CCSER1: variants seen among roughly 807,000 people sequenced by gnomAD.
CCSER1 encodes the protein serine-rich coiled-coil domain-containing protein 1.
A neutral mutation model predicts 82.0 loss-of-function variants in CCSER1; 41 were observed. That is an observed-to-expected ratio of 0.50 (90% CI 0.39 to 0.65). The LOEUF (loss-of-function observed/expected upper bound fraction) is 0.65. Among genes scored for constraint, CCSER1 ranks in the 30% least tolerant of loss-of-function variants. CCSER1 has a pLI of 0.00. For missense variants in CCSER1, 1,119 were observed against 1,064.2 expected (o/e 1.05, Z -0.72); for synonymous variants, 414 against 383.9 (o/e 1.08, Z -0.92).
At chr4:91,341,991 A>G (rs1169807359) in intron 10 of CCSER1, among the ~76,000 whole-genome samples, 1 of 152,236 alleles carries the variant, frequency 6.6e-6, no homozygotes, top group Non-Finnish European at 1.5e-5. Context: ...AGGAAAGGGC[A>G]CAGAGTAAGA....
intron 10 of CCSER1, among the ~76,000 whole-genome samples, chr4:91,137,420 A>G (rs1425306287): frequency 1.5e-5 from 1 of 65,608 alleles, no homozygotes; most frequent in African/African-American, 5.0e-5. Flanking sequence ...ATTGTTGGAC[A>G]TTTGGGTTGG....
chr4:91,256,173 G>A (rs571961368), intron 10 of CCSER1, among the ~76,000 whole-genome samples: 1 of 152,274 alleles, frequency 6.6e-6, no homozygotes, highest in East Asian at 1.9e-4. Context: ...CGCTCTTGGA[G>A]TGTCTGCCTT....
At position 90,308,334 on chromosome 4, in the gene CCSER1, T is replaced by C; in HGVS notation, c.50T>C (p.Ile17Thr). 2.5e-6 allele frequency: 4 copies of C among 1,609,902 alleles called. No homozygotes were observed. Among genetic ancestry groups the C allele is most frequent in the Non-Finnish European group, 3.4e-6 (4 of 1,177,896 alleles). ...RRSTLVSRLP[I>T]FRRSINRRHD... The stretch of plus-strand genomic sequence containing the variant: ...TCTACCCTGGTCTCCCGGTTGCCAA[T>C]ATTCAGAAGAAGTATTAACAGAAGA... The change falls in exon 2 of 11, where the codon ATA becomes ACA. Residue 17 changes from isoleucine to threonine, a missense_variant. By Grantham distance (89) the Ile-to-Thr change is moderately conservative. Transcript: ENST00000509176.
intron 5 of CCSER1, among the ~76,000 whole-genome samples, chr4:90,621,115 G>A (rs1048637698): frequency 3.3e-5 from 5 of 152,104 alleles, no homozygotes; most frequent in East Asian, 1.9e-4. Flanking sequence ...CACCCTGCCC[G>A]GCCACCAGTG....
intron 4 of CCSER1, among the ~76,000 whole-genome samples, chr4:90,440,691 A>G (rs1218990249): frequency 1.3e-5 from 2 of 152,160 alleles, no homozygotes; most frequent in Non-Finnish European, 2.9e-5. Flanking sequence ...TTTGTGCATG[A>G]GAACTCTTCC....
chr4:90,397,302 G>T (rs1752098183), intron 3 of CCSER1, among the ~76,000 whole-genome samples: 1 of 152,146 alleles, frequency 6.6e-6, no homozygotes, highest in Admixed American at 6.5e-5. Flanking sequence ...AATTTAGTTT[G>T]TTCACTTTAT....
intron 10 of CCSER1, among the ~76,000 whole-genome samples, chr4:91,220,118 C>G (rs1737617255): frequency 1.3e-5 from 2 of 152,144 alleles, no homozygotes; most frequent in Admixed American, 1.3e-4. Context: ...AACTGTTGAA[C>G]TATACTGGGC....
intron 4 of CCSER1, among the ~76,000 whole-genome samples, chr4:90,433,410 C>T (rs1758572271): frequency 6.6e-6 from 1 of 152,064 alleles, no homozygotes; most frequent in African/African-American, 2.4e-5. Flanking sequence ...TTATTAATTT[C>T]TTAGACCTAT....
intron 10 of CCSER1, among the ~76,000 whole-genome samples, chr4:91,296,996 A>G (rs1418862216): frequency 3.3e-5 from 5 of 151,824 alleles, no homozygotes; most frequent in Non-Finnish European, 5.9e-5. Context: ...ACAGGACAAG[A>G]TATTGCCAGC....
intron 10 of CCSER1, among the ~76,000 whole-genome samples, chr4:91,210,590 T>C (rs1042960423): frequency 6.6e-6 from 1 of 151,248 alleles, no homozygotes; most frequent in Non-Finnish European, 1.5e-5. Flanking sequence ...ATGAATACAA[T>C]AAAACATAAT....
intron 4 of CCSER1, among the ~76,000 whole-genome samples, chr4:90,413,927 T>TGC (rs1299202957): frequency 9.5e-6 from 1 of 104,862 alleles, no homozygotes; most frequent in Non-Finnish European, 1.7e-5. Flanking sequence ...CCAGCCTGGG[T>TGC]GACAGAGCGA....
In CCSER1 at chr4:90,134,031, A is replaced by G. The variant is rs530574875; in HGVS notation, c.-42+6200A>G. Among the ~76,000 whole-genome samples the G allele has an allele frequency of 7.7e-4, 109 of 142,114 alleles. 1 individual carries two copies. Among genetic ancestry groups the G allele is most frequent in the South Asian group, 4.9e-3 (21 of 4,302 alleles). The allele number at this position is 142,114 out of a possible 152,430, so 93.2% of individuals were successfully genotyped here. A position where few individuals can be genotyped will look rare whatever the true frequency, so the allele number is the denominator to read the frequency against. On this transcript the variant is annotated intron_variant, in intron 1 of 10. Transcript: ENST00000509176. Reference sequence around the variant, plus strand: ...TTTCCTGTTTTGCAAATTATGAAATATTATTTTATTAACAACAATAGCAAT... The same window carrying G: ...TTTCCTGTTTTGCAAATTATGAAATGTTATTTTATTAACAACAATAGCAAT...
At chr4:91,373,331 G>A (rs1044692278) in intron 10 of CCSER1, among the ~76,000 whole-genome samples, 5 of 151,948 alleles carry the variant, frequency 3.3e-5, no homozygotes, top group South Asian at 4.2e-4. Context: ...TATCAACCCC[G>A]CCTCGAGCAA....
intron 1 of CCSER1, among the ~76,000 whole-genome samples, chr4:90,211,001 A>T (rs1200632643): frequency 6.6e-6 from 1 of 152,166 alleles, no homozygotes; most frequent in Non-Finnish European, 1.5e-5. Flanking sequence ...GTATTCTCAG[A>T]CTTTCAACAG....
Position 90,400,066 on chromosome 4 carries a change from C to T in CCSER1, c.1540C>T (p.Leu514=). The change falls in exon 4 of 11, where the codon CTG becomes TTG. Residue 514 remains leucine (L), a synonymous_variant. Coordinates refer to ENST00000509176, the MANE Select transcript of CCSER1 (RefSeq NM_001145065.2). ...TTTGAATAATTTGGGATCTTGTGAA[C>T]TGGATGAAGATGATCTAATGCTTGA... ...DVLNNLGSCE[L]DEDDLMLDLE... is the part of the protein sequence containing the mutation. 1 of 1,607,242 alleles carries T rather than the reference C, an allele frequency of 6.2e-7. No homozygotes were observed. The highest frequency in any genetic ancestry group is 1.1e-5 in the South Asian group (1 of 90,504).
At chr4:90,801,585 T>C (rs1446482641) in intron 7 of CCSER1, among the ~76,000 whole-genome samples, 5 of 152,178 alleles carry the variant, frequency 3.3e-5, no homozygotes, top group African/African-American at 1.2e-4. Context: ...CAATGCTATT[T>C]CCTTATTTGA....
chr4:90,538,813 T>C (rs1260761856), intron 5 of CCSER1, among the ~76,000 whole-genome samples: 2 of 152,142 alleles, frequency 1.3e-5, no homozygotes, highest in African/African-American at 4.8e-5. Context: ...GCTATCTTAA[T>C]TATAATGAGA....
At chr4:91,402,933 AAGTC>A (rs1484462582) in intron 10 of CCSER1, among the ~76,000 whole-genome samples, 10 of 152,202 alleles carry the variant, frequency 6.6e-5, no homozygotes, top group Non-Finnish European at 1.2e-4. Context: ...TCTGTGAAGA[AAGTC>A]ATTGGTAGCT....
At chr4:90,331,982 C>CT (rs1739374327) in intron 3 of CCSER1, among the ~76,000 whole-genome samples, 1 of 151,948 alleles carries the variant, frequency 6.6e-6, no homozygotes, top group South Asian at 2.1e-4. Context: ...CCTCTGTCCC[C>CT]TTTTTCTGCC....
Sources: allele counts gnomAD v4.1 joint callset (sites outside exome capture counted in the v4.1 genomes callset), GRCh38; gene constraint gnomAD v4.1.1; transcripts MANE v1.5; gene names NCBI Gene and HGNC (gene_info 2026-07-23, HGNC 2026-07-21).